Variants in GALNTL6 observed in about 807,000 individuals in gnomAD.
GALNTL6 encodes polypeptide N-acetylgalactosaminyltransferase like 6.
Under a neutral mutation model 73.7 loss-of-function variants are expected in GALNTL6, and 46 were observed. The observed-to-expected ratio is 0.62, with a 90% CI of 0.49 to 0.80. GALNTL6 has a LOEUF of 0.80. Among genes scored for constraint, GALNTL6 ranks in the 30% least tolerant of loss-of-function variants. The pLI, the probability that GALNTL6 is intolerant of heterozygous loss-of-function variation, is 0.00. For synonymous variants in GALNTL6, 259 were observed against 263.7 expected (o/e 0.98, Z 0.17); for missense variants, 604 against 755.0 (o/e 0.80, Z 2.34).
intron 10 of GALNTL6, among the ~76,000 whole-genome samples, chr4:172,973,764 T>C (rs1482788942): frequency 6.6e-6 from 1 of 152,232 alleles, no homozygotes; most frequent in Non-Finnish European, 1.5e-5. Context: ...TCTCTTCCTC[T>C]CTTTGCCTAC....
chr4:172,594,826 A>G (rs1737790755), intron 5 of GALNTL6, among the ~76,000 whole-genome samples: 1 of 152,200 alleles, frequency 6.6e-6, no homozygotes, highest in Non-Finnish European at 1.5e-5. Context: ...TGCCTATATA[A>G]TTATGCCTCT....
intron 2 of GALNTL6, among the ~76,000 whole-genome samples, chr4:172,146,751 G>T (rs1733937278): frequency 6.6e-6 from 1 of 152,128 alleles, no homozygotes; most frequent in African/African-American, 2.4e-5. Context: ...GTCACTGCTG[G>T]CAAACTGTGG....
At chr4:171,814,133 C>A in intron 1 of GALNTL6, 143 bp downstream of exon 1, 1 of 186,052 alleles carries the variant, frequency 5.4e-6, no homozygotes, top group Non-Finnish European at 1.1e-5. Flanking sequence ...TCTCCTAACC[C>A]GCTCCACCCC....
At chr4:172,220,239 C>T (rs76738854) in intron 2 of GALNTL6, among the ~76,000 whole-genome samples, 4,842 of 151,664 alleles carry the variant, frequency 0.032, 101 homozygotes, top group Middle Eastern at 0.082. Context: ...ACTGATAAAT[C>T]CCAAGTACCT....
chr4:172,470,490 C>T (rs140540111), intron 5 of GALNTL6, among the ~76,000 whole-genome samples: 57 of 152,164 alleles, frequency 3.7e-4, no homozygotes, highest in African/African-American at 1.3e-3. Flanking sequence ...AAACAGAAAA[C>T]ATAATGCTTA....
chr4:172,950,070 G>C (rs955948055), intron 9 of GALNTL6, among the ~76,000 whole-genome samples: 2 of 152,174 alleles, frequency 1.3e-5, no homozygotes, highest in Non-Finnish European at 2.9e-5. Context: ...CTCACACTGA[G>C]TTTTTATGTA....
chr4:172,797,302 G>C (rs899172310), intron 5 of GALNTL6, among the ~76,000 whole-genome samples: 3 of 152,012 alleles, frequency 2.0e-5, no homozygotes, highest in African/African-American at 7.3e-5. Context: ...CCGCAGGTTG[G>C]CGCTATGGAT....
chr4:172,199,857 G>A (rs1042799881), intron 2 of GALNTL6, among the ~76,000 whole-genome samples: 7 of 152,100 alleles, frequency 4.6e-5, no homozygotes, highest in Non-Finnish European at 7.4e-5. Context: ...ACTCTAGAAA[G>A]ACTTTTCCTT....
chr4:172,440,923 C>A (rs139914206), intron 5 of GALNTL6, among the ~76,000 whole-genome samples: 81 of 151,716 alleles, frequency 5.3e-4, no homozygotes, highest in Non-Finnish European at 1.0e-3. Context: ...TATTATAATT[C>A]ATTAAGTTTT....
At chr4:172,513,668 A>G (rs1156938114) in intron 5 of GALNTL6, among the ~76,000 whole-genome samples, 3 of 152,120 alleles carry the variant, frequency 2.0e-5, no homozygotes, top group African/African-American at 7.2e-5. Context: ...GATTGCAGCA[A>G]TTGATATTTC....
intron 2 of GALNTL6, among the ~76,000 whole-genome samples, chr4:172,177,785 A>ATGTGTATATATATACACACACATATATG (rs1735072713): frequency 9.4e-5 from 6 of 64,072 alleles, no homozygotes; most frequent in East Asian, 2.0e-3. Context: ...ATATATACAC[A>ATGTGTATATATATACACACACATATATG]TGTGTATATA....
At chr4:173,003,592 G>A (rs973765387) in intron 10 of GALNTL6, among the ~76,000 whole-genome samples, 2 of 152,278 alleles carry the variant, frequency 1.3e-5, no homozygotes, top group African/African-American at 2.4e-5. Context: ...CAGGCACTTC[G>A]CATGCATCTG....
At chr4:172,130,899 A>G (rs1003614433) in intron 2 of GALNTL6, among the ~76,000 whole-genome samples, 2 of 152,086 alleles carry the variant, frequency 1.3e-5, no homozygotes, top group African/African-American at 4.8e-5. Context: ...CTTGTAGCCT[A>G]TGTGAGTTTT....
chr4:172,243,211 T>G (rs1465470904), intron 3 of GALNTL6, among the ~76,000 whole-genome samples: 1 of 152,132 alleles, frequency 6.6e-6, no homozygotes, highest in Admixed American at 6.6e-5. Context: ...TTTGAGCACT[T>G]CTCATACATA....
chr4:172,644,200 A>G (rs1031147925), intron 5 of GALNTL6, among the ~76,000 whole-genome samples: 3 of 151,872 alleles, frequency 2.0e-5, no homozygotes, highest in African/African-American at 7.2e-5. Flanking sequence ...TTATATGTAT[A>G]TGTGTATGTA....
intron 2 of GALNTL6, among the ~76,000 whole-genome samples, chr4:172,149,696 A>T (rs1446720450): frequency 1.3e-5 from 2 of 152,090 alleles, no homozygotes; most frequent in East Asian, 3.9e-4. Flanking sequence ...GAAATCTGAG[A>T]TCTTCCTCTT....
At chr4:172,376,943 A>G (rs993637251) in intron 5 of GALNTL6, among the ~76,000 whole-genome samples, 3 of 152,098 alleles carry the variant, frequency 2.0e-5, no homozygotes, top group Admixed American at 6.6e-5. Context: ...TCAGGAGTGA[A>G]GCTGGAGACC....
chr4:172,377,334 T>C (rs1350406601), intron 5 of GALNTL6, among the ~76,000 whole-genome samples: 1 of 152,176 alleles, frequency 6.6e-6, no homozygotes, highest in Non-Finnish European at 1.5e-5. Context: ...CCCACCAGAT[T>C]AGCTAGATAC....
chr4:172,008,628 C>G (rs929397709), intron 2 of GALNTL6, among the ~76,000 whole-genome samples: 1 of 152,104 alleles, frequency 6.6e-6, no homozygotes, highest in Admixed American at 6.6e-5. Context: ...TAAGAACAAA[C>G]GAACCACCTT....
Sources: gnomAD v4.1 joint callset for allele counts (sites outside exome capture counted in the v4.1 genomes callset) on GRCh38, gnomAD v4.1.1 for gene constraint, MANE v1.5 for transcripts, NCBI Gene and HGNC (gene_info 2026-07-23, HGNC 2026-07-21) for gene names.